ERICH1: variants seen among roughly 807,000 people sequenced by gnomAD.
ERICH1 encodes the protein glutamate-rich protein 1.
A neutral mutation model predicts 39.6 loss-of-function variants in ERICH1; 56 were observed. That is an observed-to-expected ratio of 1.41 (90% confidence interval 1.14 to 1.77). The LOEUF (loss-of-function observed/expected upper bound fraction) is 1.77. ERICH1 is among the 40% of genes most tolerant of loss of function. The pLI is 0.00. For synonymous variants in ERICH1, 313 were observed against 223.6 expected, an observed-to-expected ratio of 1.40 and a Z score of -3.57; for missense variants, 826 against 575.4, an observed-to-expected ratio of 1.44 and a Z score of -4.45.
intron 2 of ERICH1, among the ~76,000 whole-genome samples, chr8:704,550 G>A (rs1305131361): frequency 3.9e-5 from 6 of 152,132 alleles, no homozygotes; most frequent in Admixed American, 1.3e-4. Context: ...CGGAATAATC[G>A]TGTGTTATGT....
At chr8:658,352 G>C (rs937599899) in intron 3 of ERICH1, among the ~76,000 whole-genome samples, 1 of 152,196 alleles carries the variant, frequency 6.6e-6, no homozygotes, top group Non-Finnish European at 1.5e-5. Flanking sequence ...GTTACTGTGA[G>C]CCCTGTGGGG....
At chr8:652,005 G>T (rs1394270198) in intron 3 of ERICH1, among the ~76,000 whole-genome samples, 1 of 152,202 alleles carries the variant, frequency 6.6e-6, no homozygotes, top group African/African-American at 2.4e-5. Flanking sequence ...ACTGATTTGG[G>T]AAAAGGCCGT....
At chr8:712,349 G>C (rs543504398) in intron 2 of ERICH1, among the ~76,000 whole-genome samples, 1 of 123,808 alleles carries the variant, frequency 8.1e-6, no homozygotes, top group Non-Finnish European at 1.8e-5. Context: ...TCTTCATATA[G>C]ATGTTGTACA....
At chr8:706,505 G>A (rs1172911317) in intron 2 of ERICH1, among the ~76,000 whole-genome samples, 2 of 152,176 alleles carry the variant, frequency 1.3e-5, no homozygotes, top group Non-Finnish European at 2.9e-5. Flanking sequence ...CAGGCGCAGT[G>A]GCTCACGCCT....
chr8:662,876 G>C (rs1241108189), downstream of ERICH1, among the ~76,000 whole-genome samples: 1 of 152,150 alleles, frequency 6.6e-6, no homozygotes, highest in Non-Finnish European at 1.5e-5. Flanking sequence ...AGGGAGGGCA[G>C]GGGCGGGCAG....
chr8:632,025 C>G (rs1798071077), intron 3 of ERICH1, among the ~76,000 whole-genome samples: 1 of 147,486 alleles, frequency 6.8e-6, no homozygotes, highest in South Asian at 2.1e-4. Context: ...AGCACCACAG[C>G]CGGAATAGAC....
chr8:715,710 A>G (rs1585622344), intron 2 of ERICH1, 151 bp downstream of exon 2: 2 of 1,089,420 alleles, frequency 1.8e-6, no homozygotes, highest in East Asian at 2.5e-5. Flanking sequence ...TTGTGTGGAG[A>G]GCGATGCCTG....
At chr8:640,782 T>G (rs1384561037) in intron 3 of ERICH1, 1 of 152,210 alleles carries the variant, frequency 6.6e-6, no homozygotes, top group African/African-American at 2.4e-5. Context: ...CCACGTTGGG[T>G]GCAGCTGGGA....
Position 664,639 on chromosome 8 carries a change from C to T in ERICH1, c.1296G>A (p.Trp432Ter), listed in dbSNP as rs2131777460. The T allele has an allele frequency of 6.2e-7, 1 of 1,612,626 alleles. No individual in the cohort carries two copies. Among genetic ancestry groups the T allele is most frequent in the Non-Finnish European group, 8.5e-7 (1 of 1,179,534 alleles). Residue 432 changes from tryptophan (W) to a stop codon, truncating the protein, a stop_gained, in exon 6 of 6, where the codon TGG (tryptophan) becomes TGA (stop). Coordinates refer to ENST00000262109, the MANE Select transcript of ERICH1 (RefSeq NM_207332.3). LOFTEE classifies it high-confidence loss of function. ...TCTTCTCAGGAAGGATATGTGTGAT[C>T]CAGTAACTAAAGAAAGCTGAGATTA... ...ARVISAFFSY[W>*]ITHILPEKSS...
intron 4 of ERICH1, among the ~76,000 whole-genome samples, chr8:672,545 T>G (rs1360970630): frequency 6.6e-6 from 1 of 152,162 alleles, no homozygotes; most frequent in Non-Finnish European, 1.5e-5. Flanking sequence ...AACCTGAACC[T>G]GCTGGTAACG....
intron 3 of ERICH1, among the ~76,000 whole-genome samples, chr8:635,160 C>A (rs1364983997): frequency 1.3e-5 from 2 of 152,046 alleles, no homozygotes; most frequent in Non-Finnish European, 2.9e-5. Context: ...TCCCTGTGAC[C>A]ATTTCATGGT....
intron 3 of ERICH1, chr8:656,755 C>G (rs1296421804): frequency 4.1e-6 from 4 of 985,320 alleles, no homozygotes; most frequent in Non-Finnish European, 3.6e-6. Flanking sequence ...GGGGCCTCAG[C>G]TAGTGTTGTG....
At chr8:681,032 T>A (rs1263368574) in intron 3 of ERICH1, among the ~76,000 whole-genome samples, 4 of 152,178 alleles carry the variant, frequency 2.6e-5, no homozygotes, top group Non-Finnish European at 5.9e-5. Context: ...ACTGCACACT[T>A]TGAACATCAG....
Position 731,128 on chromosome 8 carries a change from G to C in ERICH1, c.22+12C>G. 1.3e-6 allele frequency: 2 copies of C among 1,515,808 alleles called. No individual in the cohort carries two copies. Among genetic ancestry groups the C allele is most frequent in the Non-Finnish European group, 1.8e-6 (2 of 1,134,070 alleles). The allele number at this position is 1,515,808 out of a possible 1,614,324, so 93.9% of individuals were successfully genotyped here. On this transcript the variant is annotated intron_variant, in intron 1 of 5. Coordinates refer to ENST00000262109, the MANE Select transcript of ERICH1 (RefSeq NM_207332.3). ...TGGGGTCTGGGCAGGCCTCCGCACC[G>C]CACCCACCTACCGTGCTTCCTGTGC...
intron 3 of ERICH1, among the ~76,000 whole-genome samples, chr8:652,209 G>GT (rs1165522796): frequency 1.4e-5 from 2 of 144,832 alleles, no homozygotes; most frequent in African/African-American, 4.9e-5. Flanking sequence ...TCCGACGCCT[G>GT]AAGACCTTAC....
intron 3 of ERICH1, chr8:656,663 C>A (rs1585072551): frequency 1.2e-6 from 1 of 862,272 alleles, no homozygotes; most frequent in Non-Finnish European, 1.4e-6. Context: ...AATTTTGGGG[C>A]TTACTTGCCT....
chr8:680,599 T>TC (rs1315736878), intron 3 of ERICH1, among the ~76,000 whole-genome samples: 13 of 143,994 alleles, frequency 9.0e-5, no homozygotes, highest in African/African-American at 3.4e-4. Flanking sequence ...TCCAAGAGAA[T>TC]CCACAGCTGC....
chr8:631,099 G>A, intron 3 of ERICH1, among the ~76,000 whole-genome samples: 1 of 152,362 alleles, frequency 6.6e-6, no homozygotes, highest in Non-Finnish European at 1.5e-5. Context: ...CATGTGGACA[G>A]AGCTGACTCA....
chr8:696,925 A>G (rs1280506643), intron 2 of ERICH1, among the ~76,000 whole-genome samples: 4 of 98,824 alleles, frequency 4.0e-5, no homozygotes, highest in Middle Eastern at 7.5e-3. Context: ...ATCAGCCTGT[A>G]CTCGCTTCTC....
Sources: gnomAD v4.1 joint callset for allele counts (sites outside exome capture counted in the v4.1 genomes callset) on GRCh38, gnomAD v4.1.1 for gene constraint, MANE v1.5 for transcripts, NCBI Gene and HGNC (gene_info 2026-07-23, HGNC 2026-07-21) for gene names.